The following SYNPO2 variants were observed in gnomAD, a reference collection of about 807,000 sequenced individuals.
SYNPO2 encodes synaptopodin-2.
In SYNPO2, 56 loss-of-function variants were observed where a neutral mutation model predicts 85.0. The observed-to-expected ratio is 0.66, with a 90% confidence interval of 0.53 to 0.82. The LOEUF (loss-of-function observed/expected upper bound fraction) is 0.82. Among genes scored for constraint, SYNPO2 ranks in the 40% least tolerant of loss-of-function variants. SYNPO2 has a pLI of 0.00. For missense variants in SYNPO2, 1,575 were observed against 1,534.2 expected (o/e 1.03, Z -0.44); for synonymous variants, 602 against 591.1 (o/e 1.02, Z -0.27).
At chr4:118,866,374 T>G (rs1394492073) in intron 1 of SYNPO2, among the ~76,000 whole-genome samples, 1 of 152,160 alleles carries the variant, frequency 6.6e-6, no homozygotes, top group African/African-American at 2.4e-5. Context: ...TACCCTTGGT[T>G]GAGAACGACT....
At chr4:118,990,558 A>C (rs184519261) in intron 1 of SYNPO2, among the ~76,000 whole-genome samples, 18 of 152,246 alleles carry the variant, frequency 1.2e-4, no homozygotes, top group Admixed American at 1.2e-3. Flanking sequence ...AGACCAAACA[A>C]ATAGACCCAG....
At chr4:118,930,084 G>A (rs1733873724) in intron 1 of SYNPO2, among the ~76,000 whole-genome samples, 1 of 152,092 alleles carries the variant, frequency 6.6e-6, no homozygotes, top group Admixed American at 6.6e-5. Context: ...AGGTACTCAA[G>A]CAGAGATAAT....
At position 118,930,630 on chromosome 4, in the gene SYNPO2, A is replaced by G. The variant is rs573429242; in HGVS notation, c.105+41489A>G. 1.1e-3 allele frequency among the ~76,000 whole-genome samples: 170 copies of G among 151,760 alleles called. 1 individual carries two copies. Among genetic ancestry groups the G allele is most frequent in the African/African-American group, 3.9e-3 (163 of 41,388 alleles). On this transcript the variant is annotated intron_variant, in intron 1 of 4. Transcript: ENST00000307142. ...TTGCCTCCATTAGATTACAAATAGC[A>G]TATGCTGGGTGAGGTGGCTCATGCC...
intron 1 of SYNPO2, among the ~76,000 whole-genome samples, chr4:118,858,557 G>A (rs1184654318): frequency 2.6e-5 from 4 of 152,126 alleles, no homozygotes; most frequent in Non-Finnish European, 4.4e-5. Context: ...TAAAGACACA[G>A]AACAACAGGG....
chr4:118,974,587 G>T (rs1046042549), intron 1 of SYNPO2, among the ~76,000 whole-genome samples: 1 of 152,132 alleles, frequency 6.6e-6, no homozygotes, highest in African/African-American at 2.4e-5. Context: ...ACATCCCTTT[G>T]CTTGGATACT....
intron 1 of SYNPO2, among the ~76,000 whole-genome samples, chr4:119,003,553 C>G (rs963913070): frequency 1.3e-5 from 2 of 152,192 alleles, no homozygotes; most frequent in African/African-American, 4.8e-5. Context: ...GTTTTAATTG[C>G]CAAAAGTCCT....
rs1244015359 is a variant in SYNPO2, at chr4:118,906,974, AT to A, written c.105+17845del. 1.2e-3 allele frequency among the ~76,000 whole-genome samples: 173 copies of A among 145,310 alleles called. 1 individual carries two copies. Among genetic ancestry groups the A allele is most frequent in the African/African-American group, 2.8e-3 (113 of 39,726 alleles). ...AGGTGTGTGCCACCACACCCAGCTA[AT>A]TTTTTTTTTTTCTATTTTTTGTAGA... On this transcript the variant is annotated intron_variant, in intron 1 of 4. Coordinates refer to ENST00000307142, the MANE Select transcript of SYNPO2 (RefSeq NM_133477.3).
intron 1 of SYNPO2, among the ~76,000 whole-genome samples, chr4:118,987,401 G>T (rs1316784389): frequency 1.3e-5 from 2 of 152,152 alleles, no homozygotes; most frequent in African/African-American, 4.8e-5. Flanking sequence ...AGGCATGGTG[G>T]CTCACGCCTC....
At chr4:118,916,852 C>A (rs557946743) in intron 1 of SYNPO2, among the ~76,000 whole-genome samples, 1 of 151,092 alleles carries the variant, frequency 6.6e-6, no homozygotes, top group Non-Finnish European at 1.5e-5. Flanking sequence ...TCAACTTCAG[C>A]CTCTTAAGTA....
In SYNPO2 at chr4:119,031,179, G is replaced by A. The variant is rs1355409673; in HGVS notation, c.2404G>A (p.Val802Ile). ...FPTSNPSKGT[V>I]VSSIKIAQPS... ...CACATCCAACCCATCAAAGGGCACC[G>A]TTGTCTCCTCCATCAAAATAGCCCA... Residue 802 changes from valine (V) to isoleucine (I), a missense_variant, in exon 4 of 5, where the codon GTT becomes ATT. Coordinates refer to ENST00000307142, the MANE Select transcript of SYNPO2 (RefSeq NM_133477.3). 5.0e-6 allele frequency: 8 copies of A among 1,613,920 alleles called. No individual in the cohort carries two copies. Among genetic ancestry groups the A allele is most frequent in the African/African-American group, 4.0e-5 (3 of 74,876 alleles).
upstream of SYNPO2, among the ~76,000 whole-genome samples, chr4:118,887,332 T>G (rs114828641): frequency 5.9e-3 from 892 of 152,252 alleles, 8 homozygotes; most frequent in Non-Finnish European, 8.3e-3. Context: ...AATGAATGTA[T>G]GGATGCAAAT....
chr4:118,873,496 C>T (rs995725573), intron 1 of SYNPO2, among the ~76,000 whole-genome samples: 2 of 151,860 alleles, frequency 1.3e-5, no homozygotes, highest in African/African-American at 2.4e-5. Flanking sequence ...ATTTGTATGT[C>T]TTCTTTTGAA....
At chr4:118,878,729 T>A (rs1028456094) in intron 1 of SYNPO2, among the ~76,000 whole-genome samples, 26 of 152,148 alleles carry the variant, frequency 1.7e-4, no homozygotes, top group Non-Finnish European at 3.8e-4. Context: ...ATCAGCACTC[T>A]GTAAAAACGC....
At chr4:118,914,454 A>G (rs775378426) in intron 1 of SYNPO2, among the ~76,000 whole-genome samples, 10 of 152,188 alleles carry the variant, frequency 6.6e-5, no homozygotes, top group Non-Finnish European at 1.2e-4. Flanking sequence ...AAAATAAGTC[A>G]TTAGAAAGAT....
chr4:118,905,441 TGC>T (rs902516199), intron 1 of SYNPO2, among the ~76,000 whole-genome samples: 5 of 102,900 alleles, frequency 4.9e-5, no homozygotes, highest in African/African-American at 1.4e-4. Flanking sequence ...TGTGTGTGTG[TGC>T]GTGTGTGTGT....
At chr4:118,887,166 AGTGTGTGTGTGTGTGTGT>A (rs71595329), upstream of SYNPO2, among the ~76,000 whole-genome samples, 2 of 139,056 alleles carry the variant, frequency 1.4e-5, no homozygotes, top group Non-Finnish European at 3.1e-5. Context: ...CATCTGAGTG[AGTGTGTGTGTGTGTGTGT>A]GTGTGTGTGT....
At chr4:118,972,597 G>A (rs1258625578) in intron 1 of SYNPO2, among the ~76,000 whole-genome samples, 1 of 152,114 alleles carries the variant, frequency 6.6e-6, no homozygotes, top group Non-Finnish European at 1.5e-5. Context: ...AACTCAGAAG[G>A]GAAACGAGCA....
At chr4:119,035,470 T>C (rs1318664931) in intron 4 of SYNPO2, 1 of 985,318 alleles carries the variant, frequency 1.0e-6, no homozygotes, top group Non-Finnish European at 1.2e-6. Flanking sequence ...AGTTTCTGCA[T>C]TGGTAGTGTA....
At chr4:119,039,171 T>C (rs889296710) in intron 4 of SYNPO2, among the ~76,000 whole-genome samples, 3 of 152,180 alleles carry the variant, frequency 2.0e-5, no homozygotes, top group Admixed American at 1.3e-4. Context: ...CACAAAATGA[T>C]GAAAGTATGA....
Sources: allele counts gnomAD v4.1 joint callset (sites outside exome capture counted in the v4.1 genomes callset), GRCh38; gene constraint gnomAD v4.1.1; transcripts MANE v1.5; gene names NCBI Gene and HGNC (gene_info 2026-07-23, HGNC 2026-07-21).